Variants in TCF3 observed in about 807,000 individuals in gnomAD.
TCF3 encodes transcription factor E2-alpha.
In TCF3, 54 loss-of-function variants were observed where a neutral mutation model predicts 72.3. That is an observed-to-expected ratio of 0.75 (90% confidence interval 0.60 to 0.94). The LOEUF is 0.94. TCF3 is among the 40% of genes least tolerant of loss of function. TCF3 has a pLI of 0.00. For missense variants in TCF3, 1,078 were observed against 934.4 expected (o/e 1.15, Z -2.00); for synonymous variants, 525 against 412.6 (o/e 1.27, Z -3.30).
chr19:1,649,646 C>T (rs748116275), intron 2 of TCF3, among the ~76,000 whole-genome samples: 29 of 152,042 alleles, frequency 1.9e-4, no homozygotes, highest in Non-Finnish European at 3.7e-4. Context: ...GGACTTGGAA[C>T]TCCTGGCCTC....
intron 3 of TCF3, among the ~76,000 whole-genome samples, chr19:1,641,756 AT>A (rs1568480383): frequency 6.6e-6 from 1 of 151,328 alleles, no homozygotes; most frequent in Non-Finnish European, 1.5e-5. Flanking sequence ...CCCAGCTGAA[AT>A]TTTTCTTTTT....
chr19:1,634,838 C>T (rs2064181574), intron 3 of TCF3, among the ~76,000 whole-genome samples: 1 of 152,208 alleles, frequency 6.6e-6, no homozygotes, highest in Admixed American at 6.5e-5. Flanking sequence ...ACACTATGCC[C>T]GTTTGTCCAT....
chr19:1,650,089 G>A, intron 2 of TCF3, 88 bp downstream of exon 2: 4 of 1,275,914 alleles, frequency 3.1e-6, no homozygotes, highest in Middle Eastern at 1.9e-4. Flanking sequence ...CATCGCTGAA[G>A]TATTCAGCAA....
chr19:1,651,292 G>A (rs1391140346), intron 1 of TCF3: 1 of 228,864 alleles, frequency 4.4e-6, no homozygotes, highest in African/African-American at 2.2e-5. Flanking sequence ...CGAGGCTGGG[G>A]GTGGGGAGGA....
At position 1,614,847 on chromosome 19, in the gene TCF3, C is replaced by T. The variant is rs957231725; in HGVS notation, c.1822+438G>A. 4.6e-5 allele frequency among the ~76,000 whole-genome samples: 7 copies of T among 152,048 alleles called. No homozygotes were observed. In the South Asian group the frequency reaches 6.2e-4, roughly 14 times the overall value. ...CAGGGGATGGGCTCATGTGGCCTTG[C>T]GTGGCATCTGCCTGACGGGAAGGGG... On this transcript the variant is annotated intron_variant, in intron 18 of 18. Transcript: ENST00000262965. This position sits in a 1 kb window ranked among gnomAD's most constrained non-coding sequence, Gnocchi z 5.6.
intron 3 of TCF3, among the ~76,000 whole-genome samples, chr19:1,644,815 C>T (rs1319888706): frequency 6.6e-6 from 1 of 152,052 alleles, no homozygotes; most frequent in Non-Finnish European, 1.5e-5. Flanking sequence ...CCCCACCCTC[C>T]CCACCAGGCC....
rs1340077176 is a variant in TCF3 at position 1,618,951 on chromosome 19, C to G, written c.1450+160G>C. ...CAGGGCCAACGCCGGCCCCGCCGGT[C>G]TTACCCACCCTCCTGAAGTTGCTGA... On this transcript the variant is annotated intron_variant, in intron 16 of 18. Transcript: ENST00000262965. Among the ~76,000 whole-genome samples the G allele has an allele frequency of 2.0e-5, 3 of 152,240 alleles. No individual in the cohort carries two copies. The East Asian group carries it at 5.8e-4, about 29-fold the overall frequency.
At position 1,610,365 on chromosome 19, in the gene TCF3, A is replaced by T; in HGVS notation, c.*1342T>A. The T allele has an allele frequency of 4.4e-6, 1 of 229,146 alleles. No homozygotes were observed. The highest frequency in any genetic ancestry group is 8.7e-6 in the Non-Finnish European group (1 of 115,570). 14.2% of individuals were successfully genotyped at this position (229,146 alleles called of 1,614,324 possible). ...TCCCCAGCATTGGGGGAGGCTGGCC[A>T]GGCCCCTGGCATCCTGTCTACGTCA... On this transcript the variant is annotated 3_prime_UTR_variant, in exon 19 of 19. Coordinates refer to ENST00000262965, the MANE Select transcript of TCF3 (RefSeq NM_003200.5).
intron 16 of TCF3, among the ~76,000 whole-genome samples, chr19:1,616,260 G>A (rs2061537924): frequency 6.6e-6 from 1 of 151,972 alleles, no homozygotes; most frequent in Non-Finnish European, 1.5e-5. Context: ...GGATCACGAG[G>A]TCAGGAGATC....
chr19:1,642,336 G>A (rs1269859511), intron 3 of TCF3, among the ~76,000 whole-genome samples: 3 of 152,158 alleles, frequency 2.0e-5, no homozygotes, highest in African/African-American at 7.2e-5. Flanking sequence ...ACACACGTGC[G>A]TGTAAAGCCG....
rs1005457938 is a variant in TCF3, at chr19:1,610,865, A to G, written c.*842T>C. 5.6e-6 allele frequency: 1 copy of G among 179,578 alleles called. No individual in the cohort carries two copies. Among genetic ancestry groups the G allele is most frequent in the South Asian group, 2.3e-4 (1 of 4,402 alleles). 11.1% of individuals were successfully genotyped at this position (179,578 alleles called of 1,614,324 possible). A position where few individuals can be genotyped will look rare whatever the true frequency, so the allele number is the denominator to read the frequency against. ...CATGACAAAACCAAGAGAACCCCCA[A>G]CATCAAAAAAACAAAAGACCCGCCG... On this transcript the variant is annotated 3_prime_UTR_variant, in exon 19 of 19. Coordinates refer to ENST00000262965, the MANE Select transcript of TCF3 (RefSeq NM_003200.5).
intron 3 of TCF3, among the ~76,000 whole-genome samples, chr19:1,635,234 C>T (rs1032638110): frequency 1.3e-5 from 2 of 152,214 alleles, no homozygotes; most frequent in Non-Finnish European, 2.9e-5. Flanking sequence ...AGGCTAAAGT[C>T]CTGGGAGTCC....
intron 5 of TCF3, among the ~76,000 whole-genome samples, chr19:1,630,800 A>T (rs2063615693): frequency 1.3e-5 from 2 of 152,122 alleles, no homozygotes; most frequent in East Asian, 3.9e-4. Flanking sequence ...CCCCCCAAGC[A>T]GCGGGACCCC....
intron 18 of TCF3, 120 bp from the exon 19 acceptor site, chr19:1,611,969 C>T (rs949051526): frequency 2.7e-6 from 2 of 729,014 alleles, no homozygotes; most frequent in Non-Finnish European, 4.4e-6. Context: ...CACGTGTGGC[C>T]TCCTGTATTT....
rs767665186 is a variant in TCF3 at position 1,615,693 on chromosome 19, G to A, written c.1579C>T (p.Arg527Trp). The change falls in exon 17 of 19, where the codon CGG (arginine) becomes TGG (tryptophan). Residue 527 changes from arginine (R) to tryptophan (W), a missense_variant. Transcript: ENST00000262965. The surrounding 1 kb of genome is among the most constrained non-coding windows in gnomAD (Gnocchi z 7.3). ...EKKELKAPRA[R>W]TSPDEDEDDL... ...CGAGGGGTGGGTTGGCACCTGGTCC[G>A]GGCCCGGGGGGCCTTCAGCTCCTTC... 33 of 1,613,202 alleles carry A rather than the reference G, an allele frequency of 2.0e-5. No homozygotes were observed. Among genetic ancestry groups the A allele is most frequent in the Middle Eastern group, 3.3e-4 (2 of 6,056 alleles).
At chr19:1,638,649 G>A (rs548676338) in intron 3 of TCF3, among the ~76,000 whole-genome samples, 26 of 152,134 alleles carry the variant, frequency 1.7e-4, no homozygotes, top group African/African-American at 4.6e-4. Flanking sequence ...ATTTCACTTC[G>A]GACGTTGAGA....
intron 15 of TCF3, 40 bp downstream of exon 15, chr19:1,619,275 TC>T: frequency 6.4e-7 from 1 of 1,570,168 alleles, no homozygotes; most frequent in Non-Finnish European, 8.6e-7. Flanking sequence ...GGGAGCCGGG[TC>T]CCCGCCCACT....
intron 3 of TCF3, among the ~76,000 whole-genome samples, chr19:1,637,922 AAAG>A (rs1291451865): frequency 6.6e-6 from 1 of 152,196 alleles, no homozygotes; most frequent in African/African-American, 2.4e-5. Context: ...AAAAAAAGAA[AAAG>A]AAAAAGAGAC....
rs1456323180 is a variant in TCF3 at position 1,642,166 on chromosome 19, GCACGCGTACACA to G, written c.145+4177_145+4188del. Among the ~76,000 whole-genome samples the G allele has an allele frequency of 3.0e-5, 4 of 135,140 alleles. No individual in the cohort carries two copies. In the South Asian group the frequency reaches 9.9e-4, roughly 34 times the overall value. 88.7% of individuals were successfully genotyped at this position (135,140 alleles called of 152,430 possible). ...CACACACACACACACACACACACAC[GCACGCGTACACA>G]CACGCACGCAGACACAGACGCAGAC... On this transcript the variant is annotated intron_variant, in intron 3 of 18. Coordinates refer to ENST00000262965, the MANE Select transcript of TCF3 (RefSeq NM_003200.5).
Sources: gnomAD v4.1 joint callset for allele counts (sites outside exome capture counted in the v4.1 genomes callset) on GRCh38, gnomAD v4.1.1 for gene constraint, Gnocchi (gnomAD v3.1) non-coding constraint, MANE v1.5 for transcripts, NCBI Gene and HGNC (gene_info 2026-07-23, HGNC 2026-07-21) for gene names.